The following MCPH1 variants were observed in gnomAD, a reference collection of about 807,000 sequenced individuals.
MCPH1 encodes the protein microcephalin 1, also known as microcephalin.
In MCPH1, 104 loss-of-function variants were observed where a neutral mutation model predicts 84.5. The observed-to-expected ratio is 1.23, with a 90% CI of 1.05 to 1.45. The LOEUF is 1.45. Among genes scored for constraint, MCPH1 ranks in the 40% most tolerant of loss-of-function variants. The pLI, the probability that MCPH1 is intolerant of heterozygous loss-of-function variation, is 0.00. For missense variants in MCPH1, 1,498 were observed against 1,005.7 expected, an observed-to-expected ratio of 1.49 and a Z score of -6.62; for synonymous variants, 514 against 366.8, an observed-to-expected ratio of 1.40 and a Z score of -4.58.
chr8:6,524,078 GA>G (rs1817889414), intron 12 of MCPH1, among the ~76,000 whole-genome samples: 1 of 152,070 alleles, frequency 6.6e-6, no homozygotes, highest in Non-Finnish European at 1.5e-5. Context: ...TTTAAAAATA[GA>G]AAAACAGTGA....
intron 13 of MCPH1, among the ~76,000 whole-genome samples, chr8:6,631,086 G>C (rs1797126867): frequency 6.6e-6 from 1 of 152,208 alleles, no homozygotes; most frequent in African/African-American, 2.4e-5. Context: ...ATAGAGGAAA[G>C]CCATCTTCAA....
At chr8:6,455,951 G>A (rs1585875218) in intron 9 of MCPH1, among the ~76,000 whole-genome samples, 1 of 152,160 alleles carries the variant, frequency 6.6e-6, no homozygotes, top group South Asian at 2.1e-4. Flanking sequence ...TGACAGAGTA[G>A]ATGGGTCTGC....
chr8:6,444,864 T>G lies in MCPH1; in HGVS notation c.1142T>G (p.Ile381Ser). The G allele has an allele frequency of 6.2e-7, 1 of 1,614,192 alleles. No individual in the cohort carries two copies. The highest frequency in any genetic ancestry group is 8.5e-7 in the Non-Finnish European group (1 of 1,180,042). The change falls in exon 8 of 14, where the codon ATC becomes AGC. Residue 381 changes from isoleucine to serine, a missense_variant. Transcript: ENST00000344683. ...AGAAAGAGGAGCACCAGGAGATCTA[T>G]CATGCCGAGGCTGCAGCTGTGCAGG... ...CKRKRSTRRS[I>S]MPRLQLCRSE...
At chr8:6,572,268 C>T (rs1388791450) in intron 12 of MCPH1, among the ~76,000 whole-genome samples, 1 of 152,130 alleles carries the variant, frequency 6.6e-6, no homozygotes, top group African/African-American at 2.4e-5. Flanking sequence ...TATGCGCTCT[C>T]CTCCCAAATC....
At chr8:6,427,319 A>C (rs965004007) in intron 3 of MCPH1, among the ~76,000 whole-genome samples, 2 of 152,220 alleles carry the variant, frequency 1.3e-5, no homozygotes, top group African/African-American at 4.8e-5. Flanking sequence ...TATACACGTC[A>C]TACAGTTAGG....
intron 13 of MCPH1, among the ~76,000 whole-genome samples, chr8:6,640,243 G>A (rs1437274201): frequency 6.6e-6 from 1 of 152,104 alleles, no homozygotes; most frequent in Admixed American, 6.6e-5. Flanking sequence ...ATTCCAAGCA[G>A]TGAAATTACT....
chr8:6,411,182 G>C (rs890629781), intron 2 of MCPH1, among the ~76,000 whole-genome samples: 1 of 152,178 alleles, frequency 6.6e-6, no homozygotes. Context: ...ACACAGGCCT[G>C]GTTGAAGAGT....
intron 9 of MCPH1, among the ~76,000 whole-genome samples, chr8:6,462,039 C>T (rs1806351116): frequency 6.6e-6 from 1 of 152,152 alleles, no homozygotes; most frequent in Non-Finnish European, 1.5e-5. Context: ...CTCTGCCAAT[C>T]CAGCTTGTTG....
At chr8:6,429,836 C>G (rs1004059472) in intron 3 of MCPH1, among the ~76,000 whole-genome samples, 1 of 152,156 alleles carries the variant, frequency 6.6e-6, no homozygotes, top group African/African-American at 2.4e-5. Context: ...CCTCCTGGAC[C>G]AGTGATCTGC....
chr8:6,504,066 C>G (rs1387676055), intron 12 of MCPH1, among the ~76,000 whole-genome samples: 3 of 152,150 alleles, frequency 2.0e-5, no homozygotes, highest in Non-Finnish European at 2.9e-5. Context: ...CGCCTGTAAT[C>G]CCAGCACTTT....
At chr8:6,428,825 C>G (rs1801437067) in intron 3 of MCPH1, among the ~76,000 whole-genome samples, 4 of 152,240 alleles carry the variant, frequency 2.6e-5, no homozygotes, top group Admixed American at 6.5e-5. Flanking sequence ...TTTCTTGACC[C>G]TTTTCACCCT....
chr8:6,588,913 T>C (rs1828220161), intron 12 of MCPH1, among the ~76,000 whole-genome samples: 2 of 152,206 alleles, frequency 1.3e-5, no homozygotes, highest in African/African-American at 4.8e-5. Context: ...CTTTATAGTC[T>C]ACCTGCTACT....
chr8:6,632,957 C>G (rs1273938901), intron 13 of MCPH1, among the ~76,000 whole-genome samples: 1 of 151,296 alleles, frequency 6.6e-6, no homozygotes. Flanking sequence ...CTTCTTTTTT[C>G]TAATCCATTA....
chr8:6,600,246 A>G (rs1027836959), intron 12 of MCPH1, among the ~76,000 whole-genome samples: 5 of 152,234 alleles, frequency 3.3e-5, no homozygotes, highest in Admixed American at 3.3e-4. Context: ...CTAGTGTGCT[A>G]CTTCTAATAG....
At chr8:6,612,068 T>G (rs1377542156) in intron 12 of MCPH1, among the ~76,000 whole-genome samples, 1 of 152,122 alleles carries the variant, frequency 6.6e-6, no homozygotes, top group Non-Finnish European at 1.5e-5. Flanking sequence ...GCCCCCAGCC[T>G]CCAGGAGCCA....
At chr8:6,415,995 G>C (rs923464984) in intron 3 of MCPH1, among the ~76,000 whole-genome samples, 1 of 152,152 alleles carries the variant, frequency 6.6e-6, no homozygotes, top group African/African-American at 2.4e-5. Context: ...CTAGTTTTCA[G>C]TGTACAAGTT....
intron 4 of MCPH1, among the ~76,000 whole-genome samples, chr8:6,434,718 C>A (rs918081926): frequency 2.4e-4 from 36 of 152,154 alleles, no homozygotes; most frequent in Admixed American, 8.5e-4. Flanking sequence ...AAAAGAAGTT[C>A]TTTCTATGAG....
At chr8:6,489,377 T>C (rs1179273614) in intron 11 of MCPH1, among the ~76,000 whole-genome samples, 3 of 151,450 alleles carry the variant, frequency 2.0e-5, no homozygotes, top group Non-Finnish European at 4.4e-5. Context: ...CAGGGGAACA[T>C]GGCATCAGTC....
At chr8:6,598,143 A>T (rs1220784750) in intron 12 of MCPH1, among the ~76,000 whole-genome samples, 1 of 152,202 alleles carries the variant, frequency 6.6e-6, no homozygotes, top group African/African-American at 2.4e-5. Flanking sequence ...AGGAAGGAGG[A>T]AAGGGGATGC....
Sources: gnomAD v4.1 joint callset for allele counts (sites outside exome capture counted in the v4.1 genomes callset) on GRCh38, gnomAD v4.1.1 for gene constraint, MANE v1.5 for transcripts, NCBI Gene and HGNC (gene_info 2026-07-23, HGNC 2026-07-21) for gene names.